The following LRRC37B variants were observed in gnomAD, a reference collection of about 807,000 sequenced individuals.
LRRC37B encodes the protein leucine-rich repeat-containing protein 37B.
A neutral mutation model predicts 98.3 loss-of-function variants in LRRC37B; 28 were observed. The observed-to-expected ratio is 0.28, with a 90% confidence interval of 0.21 to 0.39. LRRC37B has a LOEUF of 0.39. Ranked by LOEUF, LRRC37B falls within the 10% of genes least tolerant of loss-of-function variation. LRRC37B has a pLI of 1.00. For synonymous variants in LRRC37B, 364 were observed against 442.7 expected (o/e 0.82, Z 2.23); for missense variants, 938 against 1,182.7 (o/e 0.79, Z 3.03).
upstream of LRRC37B, among the ~76,000 whole-genome samples, chr17:32,019,399 ATGTT>A (rs1472757237): frequency 1.3e-5 from 2 of 152,220 alleles, no homozygotes; most frequent in African/African-American, 4.8e-5. Flanking sequence ...TACACCACCT[ATGTT>A]TGTGTAAGTA....
intron 6 of LRRC37B, 50 bp downstream of exon 9, chr17:32,035,031 A>T (rs1237432712): frequency 7.9e-7 from 1 of 1,267,876 alleles, no homozygotes; most frequent in Non-Finnish European, 1.1e-6. Flanking sequence ...ATGCTTTTTA[A>T]ATTTGTCATC....
chr17:32,025,626 G>A (rs1170637386), intron 2 of LRRC37B, among the ~76,000 whole-genome samples: 2 of 151,854 alleles, frequency 1.3e-5, no homozygotes, highest in African/African-American at 4.8e-5. Flanking sequence ...TCCTTCCTAG[G>A]ACTTAGAGGG....
chr17:32,010,183 T>A (rs566413217), intron 1 of LRRC37B, among the ~76,000 whole-genome samples: 1 of 152,300 alleles, frequency 6.6e-6, no homozygotes, highest in African/African-American at 2.4e-5. Context: ...CTTGCCAGAC[T>A]TTTTCTGTAA....
chr17:32,039,602 T>A (rs1567617852), intron 7 of LRRC37B, among the ~76,000 whole-genome samples: 2 of 129,290 alleles, frequency 1.5e-5, no homozygotes, highest in Non-Finnish European at 1.6e-5. Context: ...TTATATATAT[T>A]ATATATATAT....
chr17:32,047,565 A>G (rs2142262132), intron 8 of LRRC37B, 196 bp from the exon 12 acceptor site: 2 of 690,910 alleles, frequency 2.9e-6, no homozygotes, highest in East Asian at 2.8e-5. Context: ...TGTTCCAAGT[A>G]GGTGGCCATG....
chr17:32,043,836 G>A (rs1911509041), intron 7 of LRRC37B, among the ~76,000 whole-genome samples: 1 of 149,770 alleles, frequency 6.7e-6, no homozygotes, highest in Non-Finnish European at 1.5e-5. Context: ...GTCTTAATGT[G>A]GCCCTAACAA....
chr17:32,023,796 C>A (rs2880710), intron 1 of LRRC37B, among the ~76,000 whole-genome samples: 3 of 152,122 alleles, frequency 2.0e-5, no homozygotes, highest in Admixed American at 1.3e-4. Context: ...AACCCAGGAC[C>A]AAGTATGCTA....
At chr17:32,015,378 T>G (rs1480238237) in intron 1 of LRRC37B, among the ~76,000 whole-genome samples, 1 of 152,220 alleles carries the variant, frequency 6.6e-6, no homozygotes, top group East Asian at 1.9e-4. Flanking sequence ...CCATTCATGG[T>G]TTATAGATGT....
At chr17:32,022,697 C>T in exon 1 of LRRC37B, 2 of 1,614,052 alleles carry the variant, frequency 1.2e-6, no homozygotes, top group Non-Finnish European at 1.7e-6. Context: ...CCTCCACAAG[C>T]ACCAACATAT....
exon 8 of LRRC37B, chr17:32,045,725 T>C (rs1287076265): frequency 6.2e-7 from 1 of 1,604,558 alleles, no homozygotes. Flanking sequence ...TATGGCCTGC[T>C]GCCTCTGCCA....
At chr17:32,033,305 A>G (rs1479323846) in intron 5 of LRRC37B, among the ~76,000 whole-genome samples, 2 of 134,526 alleles carry the variant, frequency 1.5e-5, no homozygotes, top group South Asian at 2.8e-4. Context: ...ACTCAAAAGA[A>G]GGAAGGAAGG....
chr17:32,045,171 G>T (rs1911538156), intron 7 of LRRC37B, among the ~76,000 whole-genome samples: 1 of 151,898 alleles, frequency 6.6e-6, no homozygotes, highest in Admixed American at 6.6e-5. Context: ...ATATTATGTT[G>T]TAGCTTATTG....
upstream of LRRC37B, among the ~76,000 whole-genome samples, chr17:32,016,544 G>T (rs971861097): frequency 2.0e-5 from 3 of 152,120 alleles, no homozygotes; most frequent in African/African-American, 7.2e-5. Flanking sequence ...TTTCCACTTG[G>T]TAAGGGGAGT....
intron 7 of LRRC37B, 161 bp from the exon 11 acceptor site, chr17:32,045,539 T>C (rs1911547842): frequency 1.4e-6 from 1 of 698,860 alleles, no homozygotes; most frequent in South Asian, 1.7e-5. Context: ...TGGGCACCTG[T>C]GTCCTCCTTC....
chr17:32,021,418 C>G (rs1443837742), exon 1 of LRRC37B: 3 of 1,613,744 alleles, frequency 1.9e-6, no homozygotes, highest in Admixed American at 3.3e-5. Context: ...CAGGAACCAA[C>G]TGAAAATTTG....
At chr17:32,046,225 GTTTTGT>G (rs1014703601) in intron 8 of LRRC37B, among the ~76,000 whole-genome samples, 2 of 152,180 alleles carry the variant, frequency 1.3e-5, no homozygotes, top group South Asian at 2.1e-4. Flanking sequence ...TGTAGATCCG[GTTTTGT>G]TTTTGTTTTT....
At chr17:32,040,192 C>T (rs1567617997) in intron 7 of LRRC37B, 2 of 169,948 alleles carry the variant, frequency 1.2e-5, no homozygotes, top group Admixed American at 5.8e-5. Context: ...TTACTATTCT[C>T]AAGTAAGGAT....
At chr17:32,046,396 A>G (rs1897848) in intron 8 of LRRC37B, among the ~76,000 whole-genome samples, 3 of 151,590 alleles carry the variant, frequency 2.0e-5, no homozygotes, top group Non-Finnish European at 4.4e-5. Flanking sequence ...CTGAATCTCA[A>G]ACCTTTCTAT....
At chr17:32,037,427 A>C (rs1395684873) in intron 7 of LRRC37B, among the ~76,000 whole-genome samples, 1 of 151,470 alleles carries the variant, frequency 6.6e-6, no homozygotes, top group Non-Finnish European at 1.5e-5. Context: ...CACCATGCCC[A>C]GCTAATTTTT....
Sources: allele counts gnomAD v4.1 joint callset (sites outside exome capture counted in the v4.1 genomes callset), GRCh38; gene constraint gnomAD v4.1.1; transcripts MANE v1.5; gene names NCBI Gene and HGNC (gene_info 2026-07-23, HGNC 2026-07-21).